The following NCAPD3 variants were observed in gnomAD, a reference collection of about 807,000 sequenced individuals.
NCAPD3 encodes the protein condensin-2 complex subunit D3.
NCAPD3 carries 105 observed loss-of-function variants against 182.9 expected under a neutral mutation model. That is an observed-to-expected ratio of 0.57 (90% confidence interval 0.49 to 0.68). NCAPD3 has a LOEUF of 0.68. Ranked by LOEUF, NCAPD3 falls within the 30% of genes least tolerant of loss-of-function variation. The probability of loss-of-function intolerance (pLI) is 0.00; values close to 1 mark genes in which losing one functional copy is unlikely to be tolerated. For missense variants in NCAPD3, 1,944 were observed against 1,837.0 expected (o/e 1.06, Z -1.07); for synonymous variants, 815 against 679.9 (o/e 1.20, Z -3.09).
chr11:134,189,082 G>A (rs1319283873), intron 16 of NCAPD3, among the ~76,000 whole-genome samples: 1 of 152,080 alleles, frequency 6.6e-6, no homozygotes, highest in Non-Finnish European at 1.5e-5. Context: ...TAAAATTTTA[G>A]ACTAAAAAAT....
intron 17 of NCAPD3, 53 bp from the exon 18 acceptor site, chr11:134,185,053 C>T (rs1944375231): frequency 1.5e-6 from 2 of 1,334,658 alleles, no homozygotes; most frequent in African/African-American, 2.9e-5. Flanking sequence ...AACACTGCTG[C>T]CAACAAAGGC....
intron 27 of NCAPD3, among the ~76,000 whole-genome samples, chr11:134,163,806 A>G (rs924394196): frequency 7.2e-6 from 1 of 139,400 alleles, no homozygotes; most frequent in African/African-American, 2.7e-5. Context: ...TGGGAGGCGG[A>G]GCTTGCAGTG....
intron 13 of NCAPD3, among the ~76,000 whole-genome samples, chr11:134,197,992 T>C (rs1483956361): frequency 1.3e-5 from 2 of 152,176 alleles, no homozygotes; most frequent in Non-Finnish European, 2.9e-5. Flanking sequence ...GTCTACTCTT[T>C]GACTTCTTTT....
chr11:134,217,185 CT>C, intron 2 of NCAPD3, 87 bp from the exon 3 acceptor site: 1 of 1,299,928 alleles, frequency 7.7e-7, no homozygotes, highest in Non-Finnish European at 1.0e-6. Context: ...TTCTTGGTGC[CT>C]TACAAAAAGA....
chr11:134,208,940 T>G lies in NCAPD3; in HGVS notation c.806A>C (p.Gln269Pro). The G allele has an allele frequency of 6.2e-7, 1 of 1,609,354 alleles. No homozygotes were observed. The highest frequency in any genetic ancestry group is 8.5e-7 in the Non-Finnish European group (1 of 1,178,080). Residue 269 changes from glutamine to proline, a missense_variant, in exon 7 of 35, where the codon CAA becomes CCA. This residue lies in a region of NCAPD3 where 1,803 missense variants were observed against 1,674.6 expected (regional missense o/e 1.08). Transcript: ENST00000534548. The part of the protein sequence containing the change: ...CHVTQARALN[Q>P]AKYIPELAYY... The stretch of plus-strand genomic sequence containing the variant: ...AGCCAGTTCTGGTATGTATTTTGCT[T>G]GGTTAAGAGCTCTAAAAAAAAAAGA...
intron 13 of NCAPD3, among the ~76,000 whole-genome samples, chr11:134,195,363 C>A (rs931150906): frequency 6.6e-6 from 1 of 152,072 alleles, no homozygotes; most frequent in Admixed American, 6.5e-5. Flanking sequence ...CCTCCCAAAG[C>A]AGTGAAATTA....
chr11:134,192,924 A>G lies in NCAPD3; in HGVS notation c.1825-15T>C. The G allele has an allele frequency of 1.3e-6, 2 of 1,486,442 alleles. No homozygotes were observed. Among genetic ancestry groups the G allele is most frequent in the Non-Finnish European group, 1.9e-6 (2 of 1,064,654 alleles). 92.1% of individuals were successfully genotyped at this position (1,486,442 alleles called of 1,614,324 possible). A position where few individuals can be genotyped will look rare whatever the true frequency, so the allele number is the denominator to read the frequency against. ...CTAGGCTGAGCCTTAGGAGTGAAAG[A>G]TTATGACATGAGAAGGTCTAAATAC... is the stretch of plus-strand genomic sequence containing the variant. On this transcript the variant is annotated splice_polypyrimidine_tract_variant and intron_variant, in intron 15 of 34. Transcript: ENST00000534548.
intron 27 of NCAPD3, among the ~76,000 whole-genome samples, chr11:134,163,175 C>T (rs922917404): frequency 3.3e-5 from 5 of 152,174 alleles, no homozygotes; most frequent in African/African-American, 9.7e-5. Flanking sequence ...CAGAAGATGA[C>T]AGGAAGCCAC....
chr11:134,169,987 A>T (rs2093619340), intron 24 of NCAPD3, among the ~76,000 whole-genome samples: 1 of 152,206 alleles, frequency 6.6e-6, no homozygotes, highest in South Asian at 2.1e-4. Flanking sequence ...CAAACAGCAG[A>T]CACTGGCTCT....
chr11:134,206,765 G>C, intron 7 of NCAPD3, 33 bp from the exon 8 acceptor site: 1 of 1,592,206 alleles, frequency 6.3e-7, no homozygotes, highest in Non-Finnish European at 8.5e-7. Context: ...ATTTAAGATC[G>C]GATGGAGAAC....
At chr11:134,167,022 T>C (rs1391225673) in intron 27 of NCAPD3, among the ~76,000 whole-genome samples, 1 of 104,714 alleles carries the variant, frequency 9.5e-6, no homozygotes, top group Admixed American at 9.5e-5. Context: ...CACTCACTAG[T>C]GAGATGAGCT....
At chr11:134,216,083 T>C (rs1938012265) in intron 3 of NCAPD3, among the ~76,000 whole-genome samples, 1 of 152,174 alleles carries the variant, frequency 6.6e-6, no homozygotes, top group Non-Finnish European at 1.5e-5. Flanking sequence ...AACCACTACT[T>C]TTTTGAGAGA....
chr11:134,183,210 C>A lies in NCAPD3; in HGVS notation c.2451+1427G>T, dbSNP rs1944332887. The A allele has an allele frequency of 1.2e-4, 54 of 455,040 alleles. 1 individual carries two copies. The highest frequency in any genetic ancestry group is 8.2e-4 in the South Asian group (53 of 64,326). 28.2% of individuals were successfully genotyped at this position (455,040 alleles called of 1,614,324 possible). On this transcript the variant is annotated intron_variant, in intron 19 of 34. Transcript: ENST00000534548. ...GGCCTTAGTTCTAGTCCCAGCTCTG[C>A]CGGTAGTAAGTTGTGTACCACTGAG... is the stretch of plus-strand genomic sequence containing the variant.
At chr11:134,184,844 CA>C (rs1944369048) in intron 18 of NCAPD3, 58 bp downstream of exon 18, 18 of 1,317,972 alleles carry the variant, frequency 1.4e-5, no homozygotes, top group African/African-American at 3.2e-5. Flanking sequence ...CACACACACA[CA>C]CACACCTGAA....
intron 27 of NCAPD3, among the ~76,000 whole-genome samples, chr11:134,165,838 C>A (rs1241353831): frequency 2.1e-5 from 3 of 143,896 alleles, no homozygotes; most frequent in Non-Finnish European, 4.5e-5. Flanking sequence ...GGGAGGCGCA[C>A]ACTCGTGAGA....
intron 16 of NCAPD3, among the ~76,000 whole-genome samples, chr11:134,189,004 C>G (rs1157772480): frequency 6.6e-6 from 1 of 152,132 alleles, no homozygotes; most frequent in Non-Finnish European, 1.5e-5. Flanking sequence ...TTCTGTTGTT[C>G]AAGCCACCTA....
chr11:134,168,332 G>A, intron 26 of NCAPD3, 137 bp from the exon 27 acceptor site: 2 of 1,482,098 alleles, frequency 1.3e-6, no homozygotes, highest in Non-Finnish European at 1.9e-6. Context: ...GGGCACAGCT[G>A]ATGCCAGAGA....
upstream of NCAPD3, chr11:134,225,147 A>G: frequency 6.2e-7 from 1 of 1,611,868 alleles, no homozygotes; most frequent in Admixed American, 1.7e-5. Context: ...CTTCGGGCAG[A>G]GCGTGGAGGT....
Position 134,157,965 on chromosome 11 carries a change from A to G in NCAPD3, c.4137T>C (p.Thr1379=). The change falls in exon 31 of 35, where the codon ACT becomes ACC. Residue 1379 remains threonine (T), a synonymous_variant. Coordinates refer to ENST00000534548, the MANE Select transcript of NCAPD3 (RefSeq NM_015261.3). ...RSRSLGVLPF[T]LNSGSPEKTC... Reference sequence around the variant, plus strand: ...TTTTTTCTGGGCTTCCAGAATTTAAAGTGAAAGGCAGCACTCCTAAGCTCC... The same window carrying G: ...TTTTTTCTGGGCTTCCAGAATTTAAGGTGAAAGGCAGCACTCCTAAGCTCC... 1 of 1,614,160 alleles carries G rather than the reference A, an allele frequency of 6.2e-7. No individual in the cohort carries two copies. The highest frequency in any genetic ancestry group is 8.5e-7 in the Non-Finnish European group (1 of 1,180,004).
Sources: gnomAD v4.1 joint callset for allele counts (sites outside exome capture counted in the v4.1 genomes callset) on GRCh38, gnomAD v4.1.1 for gene constraint, gnomAD v4.1.1 regional missense constraint, MANE v1.5 for transcripts, NCBI Gene and HGNC (gene_info 2026-07-23, HGNC 2026-07-21) for gene names.